The following UTP20 variants were observed in gnomAD, a reference collection of about 807,000 sequenced individuals.
The protein encoded by UTP20 is small subunit processome component 20 homolog.
In UTP20, 164 loss-of-function variants were observed where a neutral mutation model predicts 329.5. The observed-to-expected ratio is 0.50, with a 90% confidence interval of 0.44 to 0.57. The LOEUF (loss-of-function observed/expected upper bound fraction) is 0.57. Ranked by LOEUF, UTP20 falls within the 20% of genes least tolerant of loss-of-function variation. The probability of loss-of-function intolerance (pLI) is 0.00; values close to 1 mark genes in which losing one functional copy is unlikely to be tolerated. For synonymous variants in UTP20, 1,151 were observed against 1,159.3 expected (o/e 0.99, Z 0.14); for missense variants, 3,055 against 3,284.2 (o/e 0.93, Z 1.71).
Position 101,386,113 on chromosome 12 carries a change from T to A in UTP20, c.8348T>A (p.Met2783Lys), listed in dbSNP as rs1870822259. The part of the protein sequence containing the change: ...QKSHSLKDLA[M>K]VE ...AGCCATAGCCTGAAAGATTTAGCAA[T>A]GGTGGAGTAATGTCTCCCTGTGCTG... The change falls in exon 62 of 62, where the codon ATG (methionine) becomes AAG (lysine). Residue 2783 changes from methionine (M) to lysine (K), a missense_variant. Transcript: ENST00000261637. 6.2e-7 allele frequency: 1 copy of A among 1,605,216 alleles called. No individual in the cohort carries two copies. Among genetic ancestry groups the A allele is most frequent in the African/African-American group, 1.4e-5 (1 of 74,002 alleles).
chr12:101,337,918 A>T, intron 29 of UTP20, 133 bp from the exon 30 acceptor site: 2 of 821,424 alleles, frequency 2.4e-6, no homozygotes, highest in Non-Finnish European at 3.8e-6. Context: ...TTTTAGATTT[A>T]AACTAATTCC....
chr12:101,366,026 T>C (rs892503013), intron 46 of UTP20, among the ~76,000 whole-genome samples: 2 of 151,390 alleles, frequency 1.3e-5, no homozygotes, highest in African/African-American at 4.9e-5. Context: ...AGGTCAGGAG[T>C]TCAAGACCAG....
At chr12:101,364,081 A>G (rs1467321087) in intron 45 of UTP20, among the ~76,000 whole-genome samples, 2 of 152,128 alleles carry the variant, frequency 1.3e-5, no homozygotes, top group Non-Finnish European at 2.9e-5. Context: ...ACATTTCCTT[A>G]TATGTTATGT....
intron 22 of UTP20, 74 bp downstream of exon 22, chr12:101,317,737 A>G (rs763413477): frequency 6.9e-5 from 97 of 1,413,218 alleles, no homozygotes; most frequent in Non-Finnish European, 8.9e-5. Flanking sequence ...TTACGGCTTT[A>G]TACAAAATCA....
intron 27 of UTP20, among the ~76,000 whole-genome samples, chr12:101,331,567 A>T (rs1444911330): frequency 6.6e-6 from 1 of 152,228 alleles, no homozygotes; most frequent in African/African-American, 2.4e-5. Context: ...CTTGCTCAGC[A>T]AACTAATGAC....
intron 41 of UTP20, among the ~76,000 whole-genome samples, chr12:101,355,413 A>G (rs1032569988): frequency 6.6e-6 from 1 of 152,188 alleles, no homozygotes; most frequent in Non-Finnish European, 1.5e-5. Flanking sequence ...AAAAATTAGA[A>G]TGTTTCCATT....
In UTP20 at chr12:101,371,153, G is replaced by T; in HGVS notation, c.6783G>T (p.Arg2261Ser). ...TCTCTGCACAAAGCGAACCTGCCAGGGTCCAGTGTAGACAGGTTTGTAGAG... is the reference window on the plus strand; with the variant it reads ...TCTCTGCACAAAGCGAACCTGCCAGTGTCCAGTGTAGACAGGTTTGTAGAG... Reference protein sequence around the residue: ...LAVSAQSEPARVQCRQVFLKY... With the variant: ...LAVSAQSEPASVQCRQVFLKY... The change falls in exon 51 of 62, where the codon AGG becomes AGT. Residue 2261 changes from arginine to serine, a missense_variant. Coordinates refer to ENST00000261637, the MANE Select transcript of UTP20 (RefSeq NM_014503.3). 6.2e-7 allele frequency: 1 copy of T among 1,613,680 alleles called. No homozygotes were observed.
chr12:101,363,555 T>C lies in UTP20; in HGVS notation c.5791-21T>C, dbSNP rs942509146. ...TCTTGCTGAGTGCATATAATTGCCA[T>C]TTGTCCTTTTTCTTCCAAAGATTTT... On this transcript the variant is annotated intron_variant, in intron 44 of 61. Coordinates refer to ENST00000261637, the MANE Select transcript of UTP20 (RefSeq NM_014503.3). 9 of 1,605,168 alleles carry C rather than the reference T, an allele frequency of 5.6e-6. No individual in the cohort carries two copies. In the African/African-American group the frequency reaches 1.2e-4, roughly 22 times the overall value.
chr12:101,371,922 C>T (rs895487685), intron 51 of UTP20, among the ~76,000 whole-genome samples: 3 of 152,044 alleles, frequency 2.0e-5, no homozygotes, highest in Admixed American at 6.6e-5. Flanking sequence ...CTGTCAATCT[C>T]TAATTTTATG....
At position 101,320,789 on chromosome 12, in the gene UTP20, A is replaced by G. The variant is rs555093327; in HGVS notation, c.2830-63A>G. 9.1e-4 allele frequency: 1,268 copies of G among 1,389,284 alleles called. 1 individual carries two copies. Among genetic ancestry groups the G allele is most frequent in the Non-Finnish European group, 1.2e-3 (1,219 of 1,030,936 alleles). 86.1% of individuals were successfully genotyped at this position (1,389,284 alleles called of 1,614,324 possible). A position where few individuals can be genotyped will look rare whatever the true frequency, so the allele number is the denominator to read the frequency against. On this transcript the variant is annotated intron_variant, in intron 23 of 61. Transcript: ENST00000261637. ...TCTCATTTAGCAAATAACCACAAGT[A>G]AATTGCTATCCTATGGTATATGTAT...
At chr12:101,317,442 C>T (rs761200618) in intron 21 of UTP20, 36 bp from the exon 22 acceptor site, 1 of 1,605,134 alleles carries the variant, frequency 6.2e-7, no homozygotes, top group South Asian at 1.1e-5. Flanking sequence ...GGTGTGCGTT[C>T]TTCATCAGTA....
intron 37 of UTP20, 32 bp downstream of exon 37, chr12:101,345,726 G>A (rs116611398): frequency 9.7e-5 from 153 of 1,583,338 alleles, no homozygotes; most frequent in African/African-American, 4.4e-4. Context: ...TCCTACCTAC[G>A]ACATAAGCAT....
At chr12:101,381,320 G>A in intron 58 of UTP20, 109 bp downstream of exon 58, 1 of 909,902 alleles carries the variant, frequency 1.1e-6, no homozygotes. Flanking sequence ...TCACCCCGAG[G>A]TCAGGAGTTC....
intron 11 of UTP20, 75 bp downstream of exon 11, chr12:101,293,320 G>A (rs1419689357): frequency 7.3e-7 from 1 of 1,371,420 alleles, no homozygotes; most frequent in Non-Finnish European, 1.0e-6. Context: ...TTGAAATCCT[G>A]TTATTTCTGT....
rs772332983 is a variant in UTP20 at position 101,372,867 on chromosome 12, G to A, written c.6799-17G>A. Reference sequence around the variant, plus strand: ...AGGTGAGATCCAAATAATCATCTGTGTGACTTTTGTTCCTAGGTTTTTCTG... The same window carrying A: ...AGGTGAGATCCAAATAATCATCTGTATGACTTTTGTTCCTAGGTTTTTCTG... On this transcript the variant is annotated splice_polypyrimidine_tract_variant and intron_variant, in intron 51 of 61. Coordinates refer to ENST00000261637, the MANE Select transcript of UTP20 (RefSeq NM_014503.3). 6.2e-7 allele frequency: 1 copy of A among 1,601,680 alleles called. No individual in the cohort carries two copies. The highest frequency in any genetic ancestry group is 1.3e-5 in the African/African-American group (1 of 74,718).
intron 12 of UTP20, among the ~76,000 whole-genome samples, 196 bp downstream of exon 12, chr12:101,295,854 T>C (rs1593420671): frequency 2.4e-5 from 1 of 41,244 alleles, no homozygotes; most frequent in Admixed American, 3.5e-4. Context: ...AAGCAAAAAG[T>C]GTGTATGAAC....
chr12:101,347,458 G>A (rs141440771), intron 38 of UTP20, among the ~76,000 whole-genome samples: 1,648 of 152,202 alleles, frequency 0.011, 31 homozygotes, highest in African/African-American at 0.038. Flanking sequence ...AGGAGGCAGA[G>A]GCTGCAGTGA....
intron 56 of UTP20, among the ~76,000 whole-genome samples, chr12:101,378,536 T>C (rs1039577455): frequency 6.6e-6 from 1 of 151,998 alleles, no homozygotes; most frequent in African/African-American, 2.4e-5. Flanking sequence ...CTGACCAACA[T>C]GATGAAACCC....
intron 40 of UTP20, 52 bp from the exon 41 acceptor site, chr12:101,354,780 G>C (rs1565802540): frequency 6.4e-7 from 1 of 1,561,768 alleles, no homozygotes; most frequent in Non-Finnish European, 8.7e-7. Flanking sequence ...TACCACAACT[G>C]TGTGGTTTCA....
Sources: gnomAD v4.1 joint callset for allele counts (sites outside exome capture counted in the v4.1 genomes callset) on GRCh38, gnomAD v4.1.1 for gene constraint, MANE v1.5 for transcripts, NCBI Gene and HGNC (gene_info 2026-07-23, HGNC 2026-07-21) for gene names.